Variants in ZNF430 observed in about 807,000 individuals in gnomAD.
ZNF430 encodes zinc finger protein 430.
In ZNF430, 35 loss-of-function variants were observed where a neutral mutation model predicts 56.7. That is an observed-to-expected ratio of 0.62 (90% CI 0.47 to 0.82). The LOEUF (loss-of-function observed/expected upper bound fraction) is 0.82. ZNF430 is among the 40% of genes least tolerant of loss of function. The pLI is 0.00. For synonymous variants in ZNF430, 212 were observed against 224.3 expected, an observed-to-expected ratio of 0.94 and a Z score of 0.49; for missense variants, 574 against 661.0, an observed-to-expected ratio of 0.87 and a Z score of 1.44.
chr19:21,039,579 GCCTCA>G (rs1968067736), intron 4 of ZNF430, among the ~76,000 whole-genome samples: 1 of 150,966 alleles, frequency 6.6e-6, no homozygotes, highest in African/African-American at 2.4e-5. Context: ...CAATACTCCC[GCCTCA>G]GCCTCCCAAG....
rs369209025 is a variant in ZNF430 at position 21,059,117 on chromosome 19, C to G, written c.*1096C>G. 16 of 152,174 alleles carry G rather than the reference C, an allele frequency of 1.1e-4. No individual in the cohort carries two copies. The East Asian group carries it at 2.9e-3, about 28-fold the overall frequency. 9.4% of individuals were successfully genotyped at this position (152,174 alleles called of 1,614,324 possible). A position where few individuals can be genotyped will look rare whatever the true frequency, so the allele number is the denominator to read the frequency against. On this transcript the variant is annotated 3_prime_UTR_variant, in exon 5 of 5. Coordinates refer to ENST00000261560, the MANE Select transcript of ZNF430 (RefSeq NM_025189.4). The stretch of plus-strand genomic sequence containing the variant: ...GAGTTCATACTAAAATATATTTTTG[C>G]AGATGCAGTAAAAATGAAAATATTT...
In ZNF430 at chr19:21,059,892, T is replaced by G. The variant is rs1968440967; in HGVS notation, c.*1871T>G. ...AAAAATTAAGTGAAGAGGCTCTTTA[T>G]GGTTAATTTATATTGAATAATGCAT... On this transcript the variant is annotated 3_prime_UTR_variant, in exon 5 of 5. Transcript: ENST00000261560. 1 of 152,268 alleles carries G rather than the reference T, an allele frequency of 6.6e-6. No individual in the cohort carries two copies. Among genetic ancestry groups the G allele is most frequent in the Middle Eastern group, 3.4e-3 (1 of 294 alleles). 9.4% of individuals were successfully genotyped at this position (152,268 alleles called of 1,614,324 possible).
At position 21,057,152 on chromosome 19, in the gene ZNF430, A is replaced by T. The variant is rs1315262935; in HGVS notation, c.844A>T (p.Ile282Phe). 5 of 1,613,906 alleles carry T rather than the reference A, an allele frequency of 3.1e-6. No homozygotes were observed. Among genetic ancestry groups the T allele is most frequent in the African/African-American group, 1.3e-5 (1 of 74,922 alleles). Residue 282 changes from isoleucine (I) to phenylalanine (F), a missense_variant, in exon 5 of 5, where the codon ATT (isoleucine) becomes TTT (phenylalanine). Transcript: ENST00000261560. ...CTCAACCCTTACTACACATAAGATA[A>T]TTCATACTGGAGAGAAACCCTACAG... ...QSSTLTTHKI[I>F]HTGEKPYRCE...
intron 4 of ZNF430, among the ~76,000 whole-genome samples, chr19:21,042,335 G>C (rs541225773): frequency 6.6e-6 from 1 of 152,136 alleles, no homozygotes; most frequent in Non-Finnish European, 1.5e-5. Flanking sequence ...CAGTAATGGG[G>C]TTGCTGGGTC....
intron 4 of ZNF430, among the ~76,000 whole-genome samples, chr19:21,053,035 G>A (rs1412816002): frequency 2.0e-5 from 3 of 152,100 alleles, no homozygotes; most frequent in South Asian, 2.1e-4. Flanking sequence ...TTTCTTTTAC[G>A]AGTTGTCTTG....
intron 4 of ZNF430, among the ~76,000 whole-genome samples, chr19:21,036,978 TTC>T (rs966206670): frequency 2.6e-5 from 4 of 152,112 alleles, no homozygotes; most frequent in Non-Finnish European, 2.9e-5. Flanking sequence ...CCCTTCCACT[TTC>T]TGTTTTTATG....
At chr19:21,030,760 A>G (rs1967887774) in intron 2 of ZNF430, among the ~76,000 whole-genome samples, 1 of 152,142 alleles carries the variant, frequency 6.6e-6, no homozygotes, top group Non-Finnish European at 1.5e-5. Flanking sequence ...ACCCTTTTCA[A>G]ACTTGCAGAT....
chr19:21,039,768 C>T (rs1364621812), intron 4 of ZNF430, among the ~76,000 whole-genome samples: 2 of 152,038 alleles, frequency 1.3e-5, no homozygotes, highest in Non-Finnish European at 2.9e-5. Flanking sequence ...ACCCGGCCTA[C>T]TTTTGCTTTT....
At chr19:21,025,976 C>T in intron 2 of ZNF430, 1 of 410,844 alleles carries the variant, frequency 2.4e-6, no homozygotes, top group Non-Finnish European at 4.6e-6. Context: ...GGTCATCACA[C>T]TTTTTATGAG....
chr19:21,055,982 T>C (rs891131926), intron 4 of ZNF430, among the ~76,000 whole-genome samples: 1 of 152,156 alleles, frequency 6.6e-6, no homozygotes, highest in South Asian at 2.1e-4. Flanking sequence ...GTATTTTAAT[T>C]GTCTTTTAAA....
At chr19:21,033,941 TA>T in intron 3 of ZNF430, 144 bp from the exon 4 acceptor site, 1 of 623,238 alleles carries the variant, frequency 1.6e-6, no homozygotes, top group Non-Finnish European at 2.5e-6. Context: ...AAATATTTTC[TA>T]AATACTTAGA....
In ZNF430 at chr19:21,034,077, T is replaced by G; in HGVS notation, c.224-9T>G. Reference sequence around the variant, plus strand: ...TGAGAAAGATTCATGTTATTTATTTTCAATAAAGCAGGTATTGCTGTTTCT... The same window carrying G: ...TGAGAAAGATTCATGTTATTTATTTGCAATAAAGCAGGTATTGCTGTTTCT... On this transcript the variant is annotated splice_polypyrimidine_tract_variant and intron_variant, in intron 3 of 4. Coordinates refer to ENST00000261560, the MANE Select transcript of ZNF430 (RefSeq NM_025189.4). The G allele has an allele frequency of 6.2e-7, 1 of 1,601,702 alleles. No individual in the cohort carries two copies. The highest frequency in any genetic ancestry group is 8.6e-7 in the Non-Finnish European group (1 of 1,168,826).
rs1967723233 is a variant in ZNF430, at chr19:21,022,881, G to C, written c.96G>C (p.Lys32Asn). The change falls in exon 2 of 5, where the codon AAG becomes AAC. Residue 32 changes from lysine (K) to asparagine (N), a missense_variant and splice_region_variant. By Grantham distance (94) the Lys-to-Asn change is moderately conservative (BLOSUM62 0). This residue lies in a region of ZNF430 where 346 missense variants were observed against 399.1 expected (regional missense o/e 0.87). Coordinates refer to ENST00000261560, the MANE Select transcript of ZNF430 (RefSeq NM_025189.4). The part of the protein sequence containing the change: ...RNLLVYSFYE[K>N]GPLTFRDVAI... ...TTCTGGTGTACTCTTTTTATGAAAA[G>C]GTAACCCCTTGAGATGTTAAAATTG... is the stretch of plus-strand genomic sequence containing the variant. The C allele has an allele frequency of 6.2e-7, 1 of 1,609,776 alleles. No individual in the cohort carries two copies. Among genetic ancestry groups the C allele is most frequent in the Middle Eastern group, 1.7e-4 (1 of 6,054 alleles).
chr19:21,042,677 A>T (rs1316319521), intron 4 of ZNF430, among the ~76,000 whole-genome samples: 1 of 152,022 alleles, frequency 6.6e-6, no homozygotes, highest in Admixed American at 6.5e-5. Flanking sequence ...GGTCCCCGCT[A>T]CTTGGGAGGC....
At chr19:21,028,727 C>T (rs8103696) in intron 2 of ZNF430, among the ~76,000 whole-genome samples, 104,918 of 151,956 alleles carry the variant, frequency 0.69, 40,167 homozygotes, top group East Asian at 0.87. Flanking sequence ...GCTCTATCGC[C>T]CAGGCTGGAG....
chr19:21,051,744 C>A (rs1268769162), intron 4 of ZNF430, among the ~76,000 whole-genome samples: 9 of 152,148 alleles, frequency 5.9e-5, no homozygotes, highest in African/African-American at 1.9e-4. Context: ...CCACCTTGGC[C>A]CCCCAAAGTG....
chr19:21,051,351 A>G (rs1291984967), intron 4 of ZNF430, among the ~76,000 whole-genome samples: 1 of 152,216 alleles, frequency 6.6e-6, no homozygotes, highest in East Asian at 1.9e-4. Context: ...ATTTTAAATT[A>G]TATCTACTGA....
chr19:21,050,350 G>A (rs1276463248), intron 4 of ZNF430, among the ~76,000 whole-genome samples: 1 of 152,090 alleles, frequency 6.6e-6, no homozygotes, highest in Non-Finnish European at 1.5e-5. Context: ...TGATGTTTTA[G>A]TTTATATTGT....
intron 4 of ZNF430, among the ~76,000 whole-genome samples, chr19:21,050,576 A>G (rs974920415): frequency 2.6e-5 from 4 of 152,088 alleles, no homozygotes; most frequent in African/African-American, 4.8e-5. Context: ...CCTAATTTCA[A>G]TATCTATTGT....
Sources: gnomAD v4.1 joint callset for allele counts (sites outside exome capture counted in the v4.1 genomes callset) on GRCh38, gnomAD v4.1.1 for gene constraint, gnomAD v4.1.1 regional missense constraint, MANE v1.5 for transcripts, NCBI Gene and HGNC (gene_info 2026-07-23, HGNC 2026-07-21) for gene names.